The following CAPN13 variants were observed in gnomAD, a reference collection of about 807,000 sequenced individuals.
CAPN13 encodes calpain 13.
In CAPN13, 90 loss-of-function variants were observed where a neutral mutation model predicts 98.4. The ratio of observed to expected loss-of-function variants is 0.92; its 90% CI spans 0.77 to 1.09. CAPN13 has a LOEUF of 1.09. Ranked by LOEUF, CAPN13 falls within the 50% of genes least tolerant of loss-of-function variation. The probability of loss-of-function intolerance (pLI) is 0.00; values close to 1 mark genes in which losing one functional copy is unlikely to be tolerated. For missense variants in CAPN13, 887 were observed against 841.3 expected (o/e 1.05, Z -0.67); for synonymous variants, 330 against 305.5 (o/e 1.08, Z -0.84).
chr2:30,756,795 G>T (rs1307686576), intron 8 of CAPN13, among the ~76,000 whole-genome samples: 1 of 152,192 alleles, frequency 6.6e-6, no homozygotes, highest in Non-Finnish European at 1.5e-5. Flanking sequence ...CAGGGAGGGG[G>T]TTCGGCTGCC....
chr2:30,804,811 A>G (rs1426954273), intron 1 of CAPN13, among the ~76,000 whole-genome samples: 3 of 152,298 alleles, frequency 2.0e-5, no homozygotes, highest in East Asian at 1.9e-4. Context: ...ACTTCTTCCA[A>G]ACCTTGAGGA....
rs72100161 is a variant in CAPN13, at chr2:30,805,747, C to CTTTTTTTT, written c.-33+1547_-33+1554dup. ...TGAGCCTCAGGGCCAGTAGGTTGGT[C>CTTTTTTTT]TTTTTTTTTTGAGACAGGGTCTTGC... On this transcript the variant is annotated intron_variant, in intron 1 of 22. Transcript: ENST00000295055. Among the ~76,000 whole-genome samples, 25 of 121,514 alleles carry CTTTTTTTT rather than the reference C, an allele frequency of 2.1e-4. 2 individuals carry two copies. In the South Asian group the frequency reaches 2.4e-3, roughly 12 times the overall value. The allele number at this position is 121,514 out of a possible 152,430, so 79.7% of individuals were successfully genotyped here.
In CAPN13 at chr2:30,764,930, G is replaced by A. The variant is rs145797504; in HGVS notation, c.525-624C>T. On this transcript the variant is annotated intron_variant, in intron 5 of 22. Coordinates refer to ENST00000295055, the MANE Select transcript of CAPN13 (RefSeq NM_144575.3). ...TTCCCATTCCCAGAGTTACCCACTC[G>A]CCCCCAGATCATTAGGGAGATCACT... Among the ~76,000 whole-genome samples, 358 of 152,100 alleles carry A rather than the reference G, an allele frequency of 2.4e-3. 2 individuals carry two copies. Among genetic ancestry groups the A allele is most frequent in the African/African-American group, 8.2e-3 (340 of 41,450 alleles).
intron 2 of CAPN13, among the ~76,000 whole-genome samples, chr2:30,786,557 C>A (rs1674292224): frequency 6.6e-6 from 1 of 152,116 alleles, no homozygotes; most frequent in East Asian, 1.9e-4. Flanking sequence ...TGAATGTTGT[C>A]CTGCAATTTC....
intron 11 of CAPN13, chr2:30,746,693 A>G (rs1671931049): frequency 5.4e-6 from 1 of 186,662 alleles, no homozygotes; most frequent in Non-Finnish European, 1.1e-5. Context: ...TATAAGTGGA[A>G]CACGTTCCTC....
In CAPN13 at chr2:30,722,898, G is replaced by A. The variant is rs992590776; in HGVS notation, c.*369C>T. The stretch of plus-strand genomic sequence containing the variant: ...TGTGTCACCCATAGCACCCGAGGGT[G>A]GTCAAAGTGGCTCATTCTGGCTCTT... On this transcript the variant is annotated 3_prime_UTR_variant, in exon 23 of 23. Coordinates refer to ENST00000295055, the MANE Select transcript of CAPN13 (RefSeq NM_144575.3). The A allele has an allele frequency of 6.6e-5, 10 of 152,246 alleles. No homozygotes were observed. The highest frequency in any genetic ancestry group is 2.2e-4 in the African/African-American group (9 of 41,466). 9.4% of individuals were successfully genotyped at this position (152,246 alleles called of 1,614,324 possible).
At chr2:30,795,749 C>T (rs1470104389) in intron 1 of CAPN13, among the ~76,000 whole-genome samples, 4 of 152,042 alleles carry the variant, frequency 2.6e-5, no homozygotes, top group South Asian at 2.1e-4. Flanking sequence ...CATCAATATT[C>T]TTTACACTAA....
At chr2:30,762,359 G>T (rs1168219604) in intron 7 of CAPN13, among the ~76,000 whole-genome samples, 1 of 152,206 alleles carries the variant, frequency 6.6e-6, no homozygotes, top group African/African-American at 2.4e-5. Flanking sequence ...CCTCTTCCAT[G>T]AGAATAAAGT....
chr2:30,773,146 T>C (rs1673500132), intron 4 of CAPN13, among the ~76,000 whole-genome samples: 2 of 152,168 alleles, frequency 1.3e-5, no homozygotes, highest in Non-Finnish European at 2.9e-5. Flanking sequence ...AGACTCTCAG[T>C]TGGAAAGAAC....
In CAPN13 at chr2:30,751,359, T is replaced by G. The variant is rs1244925359; in HGVS notation, c.1088-108A>C. On this transcript the variant is annotated intron_variant, in intron 10 of 22. Coordinates refer to ENST00000295055, the MANE Select transcript of CAPN13 (RefSeq NM_144575.3). Reference sequence around the variant, plus strand: ...GTGGGGTTGTGTTGTGAACTCTGGATTGGAGACCTAAGGCCTGGATCCCAA... The same window carrying G: ...GTGGGGTTGTGTTGTGAACTCTGGAGTGGAGACCTAAGGCCTGGATCCCAA... The G allele has an allele frequency of 2.5e-6, 3 of 1,218,600 alleles. No individual in the cohort carries two copies. In the African/African-American group the frequency reaches 4.5e-5, roughly 18 times the overall value. The allele number at this position is 1,218,600 out of a possible 1,614,324, so 75.5% of individuals were successfully genotyped here.
At chr2:30,806,734 C>G (rs764568846) in intron 1 of CAPN13, among the ~76,000 whole-genome samples, 3 of 152,174 alleles carry the variant, frequency 2.0e-5, no homozygotes, top group Middle Eastern at 3.2e-3. Flanking sequence ...ACCATGACAC[C>G]ACTAGAGGCA....
chr2:30,725,682 A>C (rs1389826128), intron 22 of CAPN13, among the ~76,000 whole-genome samples: 1 of 152,194 alleles, frequency 6.6e-6, no homozygotes, highest in Admixed American at 6.5e-5. Flanking sequence ...CTCTGGATCG[A>C]ATCCTGGCTA....
intron 17 of CAPN13, chr2:30,737,290 G>A (rs1671418349): frequency 6.6e-6 from 1 of 152,420 alleles, no homozygotes; most frequent in African/African-American, 2.4e-5. Flanking sequence ...AAGCCCTCTT[G>A]TTTCACAATG....
chr2:30,785,656 T>G (rs1307571717), intron 2 of CAPN13, among the ~76,000 whole-genome samples: 4 of 152,184 alleles, frequency 2.6e-5, no homozygotes, highest in Non-Finnish European at 4.4e-5. Context: ...ATTCAGATAA[T>G]TAGAATCTCT....
intron 1 of CAPN13, among the ~76,000 whole-genome samples, chr2:30,796,553 C>A (rs1228849724): frequency 6.6e-6 from 1 of 151,926 alleles, no homozygotes; most frequent in Non-Finnish European, 1.5e-5. Flanking sequence ...AATGAAGATC[C>A]TTTTCAACTC....
At chr2:30,804,859 T>C (rs920942324) in intron 1 of CAPN13, among the ~76,000 whole-genome samples, 2 of 152,208 alleles carry the variant, frequency 1.3e-5, no homozygotes, top group African/African-American at 4.8e-5. Flanking sequence ...GTCCCCTTTA[T>C]GGTTTTCTCA....
intron 5 of CAPN13, among the ~76,000 whole-genome samples, chr2:30,766,145 A>C (rs1176925950): frequency 2.6e-5 from 4 of 152,224 alleles, no homozygotes; most frequent in Non-Finnish European, 5.9e-5. Flanking sequence ...TCTTTGCAAC[A>C]GCCCCTTTCT....
intron 1 of CAPN13, among the ~76,000 whole-genome samples, chr2:30,789,917 C>T (rs1674516098): frequency 6.6e-6 from 1 of 152,190 alleles, no homozygotes; most frequent in African/African-American, 2.4e-5. Context: ...GCCCTGGGCT[C>T]TGTTACTGCT....
intron 15 of CAPN13, among the ~76,000 whole-genome samples, chr2:30,739,099 G>A (rs989886924): frequency 2.0e-5 from 3 of 152,132 alleles, no homozygotes; most frequent in African/African-American, 7.2e-5. Context: ...AACTTCTGGG[G>A]CAGTTAACTA....
Sources: gnomAD v4.1 joint callset for allele counts (sites outside exome capture counted in the v4.1 genomes callset) on GRCh38, gnomAD v4.1.1 for gene constraint, MANE v1.5 for transcripts, NCBI Gene and HGNC (gene_info 2026-07-23, HGNC 2026-07-21) for gene names.